ZRANB3: variants seen among roughly 807,000 people sequenced by gnomAD.
ZRANB3 encodes the protein DNA annealing helicase and endonuclease ZRANB3.
Under a neutral mutation model 133.8 loss-of-function variants are expected in ZRANB3, and 125 were observed. The observed-to-expected ratio is 0.93, with a 90% CI of 0.81 to 1.08. The LOEUF (loss-of-function observed/expected upper bound fraction) is 1.08, where lower values mean the gene tolerates loss of function less well. Among genes scored for constraint, ZRANB3 ranks in the 50% least tolerant of loss-of-function variants. The probability of loss-of-function intolerance (pLI) is 0.00; values close to 1 mark genes in which losing one functional copy is unlikely to be tolerated. For synonymous variants in ZRANB3, 387 were observed against 432.7 expected, an observed-to-expected ratio of 0.89 and a Z score of 1.31; for missense variants, 1,229 against 1,275.5, an observed-to-expected ratio of 0.96 and a Z score of 0.56.
chr2:135,482,695 A>AT (rs1187386114), intron 2 of ZRANB3, among the ~76,000 whole-genome samples: 1 of 152,196 alleles, frequency 6.6e-6, no homozygotes, highest in Non-Finnish European at 1.5e-5. Flanking sequence ...GTCTTGTGCC[A>AT]GTTTTCAAAG....
intron 3 of ZRANB3, among the ~76,000 whole-genome samples, chr2:135,369,963 C>T (rs992190703): frequency 6.6e-6 from 1 of 151,122 alleles, no homozygotes; most frequent in Non-Finnish European, 1.5e-5. Flanking sequence ...CAGTACCCTA[C>T]ATTTTACAGA....
intron 12 of ZRANB3, 129 bp from the exon 13 acceptor site, chr2:135,231,056 T>C: frequency 1.4e-6 from 1 of 713,652 alleles, no homozygotes; most frequent in Non-Finnish European, 2.1e-6. Context: ...TGGAAATGAA[T>C]TCATTATGCT....
intron 12 of ZRANB3, among the ~76,000 whole-genome samples, chr2:135,253,496 G>C (rs1679502686): frequency 6.6e-6 from 1 of 152,110 alleles, no homozygotes; most frequent in East Asian, 1.9e-4. Context: ...TGTATCTTTA[G>C]GTGATTTTGC....
chr2:135,291,502 T>A (rs1397421157), intron 8 of ZRANB3, among the ~76,000 whole-genome samples: 2 of 152,062 alleles, frequency 1.3e-5, no homozygotes, highest in Non-Finnish European at 2.9e-5. Flanking sequence ...TATTCTTAGG[T>A]TTGGTTGTTT....
intron 2 of ZRANB3, among the ~76,000 whole-genome samples, chr2:135,481,540 GA>G (rs1691810426): frequency 6.6e-6 from 1 of 152,024 alleles, no homozygotes; most frequent in Non-Finnish European, 1.5e-5. Flanking sequence ...AGTAAGTTGC[GA>G]AAATTTTCTC....
At chr2:135,209,046 A>T in intron 17 of ZRANB3, 68 bp from the exon 18 acceptor site, 1 of 1,429,068 alleles carries the variant, frequency 7.0e-7, no homozygotes, top group Non-Finnish European at 9.8e-7. Context: ...GCATGTTTAC[A>T]TTGTTCCTTG....
chr2:135,397,591 T>G (rs1687550021), intron 2 of ZRANB3, among the ~76,000 whole-genome samples: 1 of 152,240 alleles, frequency 6.6e-6, no homozygotes, highest in Non-Finnish European at 1.5e-5. Context: ...CTCTTCTTCT[T>G]AAAACTTTTT....
At chr2:135,345,266 G>T in intron 6 of ZRANB3, 1 of 248,188 alleles carries the variant, frequency 4.0e-6, no homozygotes, top group Non-Finnish European at 7.9e-6. Context: ...AGGAGTTCAA[G>T]ACCAGCCTGA....
At chr2:135,485,046 A>C (rs916056314) in intron 2 of ZRANB3, among the ~76,000 whole-genome samples, 26 of 152,214 alleles carry the variant, frequency 1.7e-4, no homozygotes, top group African/African-American at 6.0e-4. Context: ...AGAAATATGA[A>C]TAAATAAAAA....
chr2:135,287,670 C>CTTTTTTTT (rs59739293), intron 8 of ZRANB3, among the ~76,000 whole-genome samples: 2,765 of 97,436 alleles, frequency 0.028, 90 homozygotes, highest in South Asian at 0.12. Context: ...TATTTCTTTC[C>CTTTTTTTT]TTTTTTTTTT....
At chr2:135,499,987 A>G (rs1692862160) in intron 2 of ZRANB3, among the ~76,000 whole-genome samples, 1 of 152,256 alleles carries the variant, frequency 6.6e-6, no homozygotes, top group Middle Eastern at 3.4e-3. Context: ...GGACCCAGAG[A>G]CATAAACAGA....
chr2:135,254,221 T>C (rs2105098533), intron 12 of ZRANB3, among the ~76,000 whole-genome samples: 1 of 152,312 alleles, frequency 6.6e-6, no homozygotes, highest in Middle Eastern at 3.4e-3. Context: ...TCCTTCAAAA[T>C]CCAGCTCAGA....
intron 6 of ZRANB3, among the ~76,000 whole-genome samples, chr2:135,316,396 C>A (rs1191499988): frequency 6.6e-6 from 1 of 152,070 alleles, no homozygotes; most frequent in Non-Finnish European, 1.5e-5. Context: ...ATGTGACAAC[C>A]AAAATACCAG....
chr2:135,287,783 T>C (rs1490695578), intron 8 of ZRANB3, among the ~76,000 whole-genome samples: 1 of 151,418 alleles, frequency 6.6e-6, no homozygotes, highest in Non-Finnish European at 1.5e-5. Context: ...ACATCGATTT[T>C]GTATCCTGAA....
At chr2:135,488,211 T>C (rs1692207029) in intron 2 of ZRANB3, among the ~76,000 whole-genome samples, 1 of 152,150 alleles carries the variant, frequency 6.6e-6, no homozygotes, top group African/African-American at 2.4e-5. Flanking sequence ...CTTATATGAA[T>C]TGGTATCATT....
At position 135,275,818 on chromosome 2, in the gene ZRANB3, T is replaced by C. The variant is rs2105126558; in HGVS notation, c.967-63A>G. ...AATGATTATTTAAAATTTATGTCAC[T>C]TTTAATAAAGCAAGAAAAATGGCTT... On this transcript the variant is annotated intron_variant, in intron 8 of 20. Coordinates refer to ENST00000264159, the MANE Select transcript of ZRANB3 (RefSeq NM_032143.4). 2.3e-6 allele frequency: 3 copies of C among 1,287,246 alleles called. No individual in the cohort carries two copies. In the Admixed American group the frequency reaches 1.0e-4, roughly 43 times the overall value. 79.7% of individuals were successfully genotyped at this position (1,287,246 alleles called of 1,614,324 possible).
chr2:135,511,455 G>A (rs1574231612), intron 1 of ZRANB3: 2 of 825,836 alleles, frequency 2.4e-6, no homozygotes, highest in East Asian at 4.9e-5. Context: ...TACCACCTGA[G>A]GTGTTTGCTG....
At chr2:135,249,266 A>G (rs1679249246) in intron 12 of ZRANB3, among the ~76,000 whole-genome samples, 1 of 152,242 alleles carries the variant, frequency 6.6e-6, no homozygotes, top group Non-Finnish European at 1.5e-5. Flanking sequence ...GAGGAATAGA[A>G]ATCATTCTAC....
At chr2:135,336,164 T>G (rs1319780523) in intron 6 of ZRANB3, among the ~76,000 whole-genome samples, 1 of 152,250 alleles carries the variant, frequency 6.6e-6, no homozygotes, top group African/African-American at 2.4e-5. Context: ...ATACTTCTGC[T>G]GTCTGTCTCA....
Sources: gnomAD v4.1 joint callset for allele counts (sites outside exome capture counted in the v4.1 genomes callset) on GRCh38, gnomAD v4.1.1 for gene constraint, MANE v1.5 for transcripts, NCBI Gene and HGNC (gene_info 2026-07-23, HGNC 2026-07-21) for gene names.